Variants in POC1A observed in about 807,000 individuals in gnomAD.
POC1A encodes POC1 centriolar protein homolog A.
In POC1A, 34 loss-of-function variants were observed where a neutral mutation model predicts 47.8. The ratio of observed to expected loss-of-function variants is 0.71; its 90% CI spans 0.54 to 0.95. The LOEUF is 0.95. Ranked by LOEUF, POC1A falls within the 40% of genes least tolerant of loss-of-function variation. The probability of loss-of-function intolerance (pLI) is 0.00; values close to 1 mark genes in which losing one functional copy is unlikely to be tolerated. For synonymous variants in POC1A, 177 were observed against 207.6 expected (o/e 0.85, Z 1.27); for missense variants, 466 against 528.3 (o/e 0.88, Z 1.16).
At chr3:52,095,406 C>T (rs765796553) in intron 10 of POC1A, among the ~76,000 whole-genome samples, 1 of 152,182 alleles carries the variant, frequency 6.6e-6, no homozygotes, top group Admixed American at 6.5e-5. Flanking sequence ...ACTTAGCCCA[C>T]GATCCCAAGC....
At chr3:52,112,568 G>A (rs1268883199) in intron 9 of POC1A, among the ~76,000 whole-genome samples, 6 of 152,130 alleles carry the variant, frequency 3.9e-5, no homozygotes, top group African/African-American at 1.4e-4. Context: ...TTTGAACTCC[G>A]GAGGCAGAGG....
intron 7 of POC1A, among the ~76,000 whole-genome samples, chr3:52,136,160 T>C (rs565234039): frequency 1.8e-4 from 27 of 152,256 alleles, no homozygotes; most frequent in African/African-American, 6.0e-4. Flanking sequence ...CTGGGTGTCG[T>C]CGGTATCCCA....
Position 52,075,945 on chromosome 3 carries a change from T to A in POC1A, c.1166A>T (p.Asp389Val). ...GTTCTCCAGACACTGCTTCAGCTTG[T>A]CTTCTGTCAGTGTCAACCGCTGCTC... ...ILEQRLTLTE[D>V]KLKQCLENQQ... is the part of the protein sequence containing the mutation. The change falls in exon 11 of 11, where the codon GAC becomes GTC. Residue 389 changes from aspartate (D) to valine (V), a missense_variant. Asp to Val is a radical substitution (Grantham distance 152). Coordinates refer to ENST00000296484, the MANE Select transcript of POC1A (RefSeq NM_015426.5). The A allele has an allele frequency of 6.2e-7, 1 of 1,614,068 alleles. No homozygotes were observed.
At chr3:52,088,752 C>G (rs1702545760) in intron 10 of POC1A, among the ~76,000 whole-genome samples, 1 of 151,912 alleles carries the variant, frequency 6.6e-6, no homozygotes, top group African/African-American at 2.4e-5. Flanking sequence ...AGTCCCCTCC[C>G]TTCCTCTTCT....
rs1702215949 is a variant in POC1A at position 52,079,412 on chromosome 3, G to C, written c.1126-3427C>G. 1.3e-5 allele frequency among the ~76,000 whole-genome samples: 2 copies of C among 152,256 alleles called. No homozygotes were observed. Among genetic ancestry groups the C allele is most frequent in the African/African-American group, 2.4e-5 (1 of 41,474 alleles). ...CAAGGCCACACCTGCCCTGGAGGGT[G>C]AGGAGGAGCGCTCTGCAGGCAAATA... is the stretch of plus-strand genomic sequence containing the variant. On this transcript the variant is annotated intron_variant, in intron 10 of 10. Transcript: ENST00000296484. The surrounding 1 kb of genome is among the most constrained non-coding windows in gnomAD (Gnocchi z 4.6).
At chr3:52,149,790 A>C in intron 3 of POC1A, 26 bp downstream of exon 3, 1 of 1,601,388 alleles carries the variant, frequency 6.2e-7, no homozygotes, top group Non-Finnish European at 8.5e-7. Context: ...AGACTCCAAC[A>C]AGCCTCCTCA....
rs1239308203 is a variant in POC1A, at chr3:52,084,671, C to G, written c.1126-8686G>C. ...TCCCCAGTCCATCCCCCTGCCCCCCCAGCTCTGGGGCAGCCCCTCTTCCCA... is the reference window on the plus strand; with the variant it reads ...TCCCCAGTCCATCCCCCTGCCCCCCGAGCTCTGGGGCAGCCCCTCTTCCCA... On this transcript the variant is annotated intron_variant, in intron 10 of 10. Transcript: ENST00000296484. The surrounding 1 kb of genome is among the most constrained non-coding windows in gnomAD (Gnocchi z 4.3). 6.6e-6 allele frequency among the ~76,000 whole-genome samples: 1 copy of G among 152,250 alleles called. No individual in the cohort carries two copies. Among genetic ancestry groups the G allele is most frequent in the Non-Finnish European group, 1.5e-5 (1 of 68,036 alleles).
At chr3:52,076,064 C>T (rs970467206) in intron 10 of POC1A, 79 bp from the exon 11 acceptor site, 5 of 1,082,296 alleles carry the variant, frequency 4.6e-6, no homozygotes, top group Non-Finnish European at 7.1e-6. Flanking sequence ...CCAGTCCCCA[C>T]TTGGCTGCCT....
chr3:52,141,009 C>T (rs1698175084), intron 6 of POC1A, among the ~76,000 whole-genome samples: 1 of 152,232 alleles, frequency 6.6e-6, no homozygotes, highest in Non-Finnish European at 1.5e-5. Flanking sequence ...TCAGTGATGA[C>T]ACATACTGCC....
rs142185044 is a variant in POC1A at position 52,122,661 on chromosome 3, C to T, written c.883-184G>A. ...CTCCCTGGGGAGCAGGCTTTGTGGA[C>T]AGGCCTCAAGAGGACCTGGATGTGA... On this transcript the variant is annotated intron_variant, in intron 8 of 10. Coordinates refer to ENST00000296484, the MANE Select transcript of POC1A (RefSeq NM_015426.5). Among the ~76,000 whole-genome samples, 50 of 152,332 alleles carry T rather than the reference C, an allele frequency of 3.3e-4. No homozygotes were observed. The East Asian group carries it at 8.7e-3, about 27-fold the overall frequency.
chr3:52,113,626 C>T (rs962446071), intron 9 of POC1A, among the ~76,000 whole-genome samples: 1 of 152,188 alleles, frequency 6.6e-6, no homozygotes, highest in Non-Finnish European at 1.5e-5. Context: ...CGCTTGAACT[C>T]GGGAGGCAGA....
In POC1A at chr3:52,078,587, G is replaced by A. The variant is rs560466655; in HGVS notation, c.1126-2602C>T. The stretch of plus-strand genomic sequence containing the variant: ...GTGCAGTGGCGCGATCTCGGCTCAC[G>A]ACAAGCTCCGCCTCCCGGGTTCATG... On this transcript the variant is annotated intron_variant, in intron 10 of 10. Transcript: ENST00000296484. 6.3e-5 allele frequency among the ~76,000 whole-genome samples: 9 copies of A among 143,986 alleles called. No individual in the cohort carries two copies. The South Asian group carries it at 1.5e-3, about 24-fold the overall frequency. 94.5% of individuals were successfully genotyped at this position (143,986 alleles called of 152,430 possible).
intron 9 of POC1A, among the ~76,000 whole-genome samples, chr3:52,118,033 A>G (rs1703633759): frequency 6.6e-6 from 1 of 152,192 alleles, no homozygotes; most frequent in African/African-American, 2.4e-5. Context: ...TGTGGCAGGA[A>G]CAGAGCTAAG....
At chr3:52,091,515 T>G (rs1342084645) in intron 10 of POC1A, among the ~76,000 whole-genome samples, 4 of 152,168 alleles carry the variant, frequency 2.6e-5, no homozygotes, top group Non-Finnish European at 5.9e-5. Flanking sequence ...CCATGACCCA[T>G]GCCTGATTTT....
chr3:52,138,660 C>T (rs368638260), intron 6 of POC1A, among the ~76,000 whole-genome samples: 198 of 152,320 alleles, frequency 1.3e-3, no homozygotes, highest in African/African-American at 4.5e-3. Flanking sequence ...CTTTGGTCTG[C>T]CCGATATACT....
intron 9 of POC1A, among the ~76,000 whole-genome samples, chr3:52,111,564 T>C (rs913415540): frequency 6.6e-6 from 1 of 151,378 alleles, no homozygotes; most frequent in African/African-American, 2.4e-5. Context: ...GGAGAATCTC[T>C]TGAACTGGAA....
Position 52,075,825 on chromosome 3 carries a change from T to C in POC1A, c.*62A>G, listed in dbSNP as rs731684. The C allele has an allele frequency of 0.2, 241,048 of 1,189,084 alleles. 31,017 individuals carry two copies. The highest frequency in any genetic ancestry group is 0.45 in the East Asian group (18,952 of 42,302). 73.7% of individuals were successfully genotyped at this position (1,189,084 alleles called of 1,614,324 possible). ...GTCCCCTTTATTTACCCAAGTCCCATGGTACAAATCCCTGGCCTGCCACCT... is the reference window on the plus strand; with the variant it reads ...GTCCCCTTTATTTACCCAAGTCCCACGGTACAAATCCCTGGCCTGCCACCT... On this transcript the variant is annotated 3_prime_UTR_variant, in exon 11 of 11. Coordinates refer to ENST00000296484, the MANE Select transcript of POC1A (RefSeq NM_015426.5).
intron 7 of POC1A, among the ~76,000 whole-genome samples, chr3:52,129,261 A>G (rs1704123940): frequency 6.6e-6 from 1 of 152,234 alleles, no homozygotes; most frequent in Non-Finnish European, 1.5e-5. Context: ...CCTGGGCGAC[A>G]GAGCGAGACT....
chr3:52,122,825 C>T (rs772786804), intron 8 of POC1A, among the ~76,000 whole-genome samples: 1 of 152,278 alleles, frequency 6.6e-6, no homozygotes. Flanking sequence ...ACCACCTTCT[C>T]AGAGAGGCCT....
Sources: allele counts gnomAD v4.1 joint callset (sites outside exome capture counted in the v4.1 genomes callset), GRCh38; gene constraint gnomAD v4.1.1; non-coding constraint Gnocchi (gnomAD v3.1); transcripts MANE v1.5; gene names NCBI Gene and HGNC (gene_info 2026-07-23, HGNC 2026-07-21).